Variants in AP3B1 observed in about 807,000 individuals in gnomAD.
AP3B1 encodes AP-3 complex subunit beta-1.
A neutral mutation model predicts 132.5 loss-of-function variants in AP3B1; 61 were observed. That is an observed-to-expected ratio of 0.46 (90% CI 0.37 to 0.57). The LOEUF (loss-of-function observed/expected upper bound fraction) is 0.57. AP3B1 is among the 20% of genes least tolerant of loss of function. The pLI, the probability that AP3B1 is intolerant of heterozygous loss-of-function variation, is 0.00. For synonymous variants in AP3B1, 388 were observed against 438.3 expected (o/e 0.89, Z 1.43); for missense variants, 1,120 against 1,289.4 (o/e 0.87, Z 2.01).
chr5:78,052,704 T>C (rs192540528), intron 22 of AP3B1, among the ~76,000 whole-genome samples: 1 of 152,308 alleles, frequency 6.6e-6, no homozygotes, highest in East Asian at 1.9e-4. Flanking sequence ...TATAAGGAAA[T>C]TAATATCCCA....
chr5:78,035,007 A>G (rs890014697), intron 23 of AP3B1, among the ~76,000 whole-genome samples: 2 of 151,980 alleles, frequency 1.3e-5, no homozygotes, highest in Non-Finnish European at 1.5e-5. Context: ...GTCTAATTGC[A>G]TTAAATACTC....
intron 24 of AP3B1, among the ~76,000 whole-genome samples, chr5:78,026,376 T>C (rs998739438): frequency 2.0e-5 from 3 of 152,194 alleles, no homozygotes; most frequent in African/African-American, 7.2e-5. Context: ...GATTCCTTTA[T>C]AGGATCCAAA....
chr5:78,192,699 A>T (rs1744893886), intron 7 of AP3B1, among the ~76,000 whole-genome samples: 1 of 152,202 alleles, frequency 6.6e-6, no homozygotes, highest in African/African-American at 2.4e-5. Context: ...TTAGGATAGG[A>T]GATGGGGCCT....
At chr5:78,156,959 A>T (rs545619745) in intron 13 of AP3B1, among the ~76,000 whole-genome samples, 240 of 151,854 alleles carry the variant, frequency 1.6e-3, no homozygotes, top group Non-Finnish European at 2.4e-3. Context: ...TATAAAGTCC[A>T]CTCTACCTTT....
At chr5:78,066,345 C>T (rs113281866) in intron 22 of AP3B1, among the ~76,000 whole-genome samples, 41 of 152,270 alleles carry the variant, frequency 2.7e-4, no homozygotes, top group African/African-American at 7.9e-4. Flanking sequence ...AGGCTTTAGA[C>T]GGTGGGTAAT....
chr5:78,109,115 T>A (rs1290363721), intron 20 of AP3B1, among the ~76,000 whole-genome samples: 5 of 152,166 alleles, frequency 3.3e-5, no homozygotes, highest in African/African-American at 1.2e-4. Context: ...GCCAGATTAA[T>A]AAACCATAAA....
intron 7 of AP3B1, among the ~76,000 whole-genome samples, chr5:78,202,308 C>G (rs1047819164): frequency 6.6e-6 from 1 of 152,136 alleles, no homozygotes; most frequent in East Asian, 1.9e-4. Context: ...TGGACTAATA[C>G]ACAATCCTAT....
At chr5:78,151,675 G>A (rs1252414260) in intron 14 of AP3B1, among the ~76,000 whole-genome samples, 2 of 152,062 alleles carry the variant, frequency 1.3e-5, no homozygotes, top group Admixed American at 1.3e-4. Flanking sequence ...TATGAATGTT[G>A]AACCATCCTG....
intron 1 of AP3B1, among the ~76,000 whole-genome samples, chr5:78,280,824 T>TA (rs1749017693): frequency 6.6e-6 from 1 of 152,086 alleles, no homozygotes. Context: ...GAAATCTCAA[T>TA]AAAAAAATTA....
intron 11 of AP3B1, among the ~76,000 whole-genome samples, chr5:78,173,634 T>C (rs1041978024): frequency 1.4e-5 from 2 of 147,716 alleles, no homozygotes; most frequent in Admixed American, 6.7e-5. Flanking sequence ...TTTGAGCCTA[T>C]GTGTGTCCCT....
At chr5:78,189,610 C>G (rs1170280670) in intron 7 of AP3B1, among the ~76,000 whole-genome samples, 2 of 152,034 alleles carry the variant, frequency 1.3e-5, no homozygotes, top group African/African-American at 4.8e-5. Context: ...TGGCTCACAC[C>G]TATAATCCCA....
intron 22 of AP3B1, among the ~76,000 whole-genome samples, chr5:78,067,982 CTGGT>C (rs1160980714): frequency 2.0e-5 from 3 of 151,138 alleles, no homozygotes. Context: ...AATCCAGGAG[CTGGT>C]TGTTTGAAAA....
chr5:78,291,420 G>GAAAAAAA (rs5868911), intron 1 of AP3B1, among the ~76,000 whole-genome samples: 9 of 85,706 alleles, frequency 1.1e-4, no homozygotes, highest in Non-Finnish European at 1.7e-4. Context: ...CAGATAATTT[G>GAAAAAAA]AAAAAAAAAA....
At chr5:78,164,865 T>A (rs1462245330) in intron 12 of AP3B1, among the ~76,000 whole-genome samples, 1 of 152,012 alleles carries the variant, frequency 6.6e-6, no homozygotes, top group African/African-American at 2.4e-5. Flanking sequence ...TGGCAAAAAA[T>A]ACATCTCTAA....
chr5:78,270,692 G>C (rs562041915), intron 1 of AP3B1, among the ~76,000 whole-genome samples: 33 of 152,258 alleles, frequency 2.2e-4, no homozygotes, highest in African/African-American at 7.9e-4. Context: ...TGTAGCCAAA[G>C]GGAGTGGCCC....
intron 14 of AP3B1, among the ~76,000 whole-genome samples, chr5:78,144,418 A>G (rs1471504137): frequency 6.6e-6 from 1 of 152,224 alleles, no homozygotes. Context: ...AAGCAGTTCA[A>G]TTTAAAAGCT....
At chr5:78,032,938 A>G (rs1392444541) in intron 24 of AP3B1, among the ~76,000 whole-genome samples, 1 of 152,106 alleles carries the variant, frequency 6.6e-6, no homozygotes, top group Non-Finnish European at 1.5e-5. Context: ...ATCCTTAAAG[A>G]GACTTAGTTA....
At chr5:78,260,027 T>C (rs1056054461) in intron 2 of AP3B1, among the ~76,000 whole-genome samples, 3 of 151,706 alleles carry the variant, frequency 2.0e-5, no homozygotes, top group African/African-American at 7.2e-5. Context: ...AAAAATTAAA[T>C]GTTTTTTAAA....
intron 15 of AP3B1, 149 bp downstream of exon 15, chr5:78,140,994 C>T: frequency 2.8e-6 from 2 of 725,350 alleles, no homozygotes; most frequent in Non-Finnish European, 5.0e-6. Flanking sequence ...CATCTGTTTG[C>T]ACTAGTATCA....
Sources: allele counts gnomAD v4.1 joint callset (sites outside exome capture counted in the v4.1 genomes callset), GRCh38; gene constraint gnomAD v4.1.1; transcripts MANE v1.5; gene names NCBI Gene and HGNC (gene_info 2026-07-23, HGNC 2026-07-21).